The following SOX17 variants were observed in gnomAD, a reference collection of about 807,000 sequenced individuals.
The protein encoded by SOX17 is transcription factor SOX-17.
Under a neutral mutation model 16.0 loss-of-function variants are expected in SOX17, and 4 were observed. The ratio of observed to expected loss-of-function variants is 0.25; its 90% CI spans 0.12 to 0.57. The LOEUF is 0.57. Ranked by LOEUF, SOX17 falls within the 20% of genes least tolerant of loss-of-function variation. The pLI is 0.92. For missense variants in SOX17, 633 were observed against 609.7 expected (o/e 1.04, Z -0.40); for synonymous variants, 357 against 284.6 (o/e 1.25, Z -2.56).
intron 1 of SOX17, 32 bp from the exon 2 acceptor site, chr8:54,459,026 G>A: frequency 6.4e-7 from 1 of 1,552,418 alleles, no homozygotes; most frequent in Non-Finnish European, 8.7e-7. Context: ...GATAAGCCCT[G>A]CGCCCCTCTC....
intron 1 of SOX17, 140 bp from the exon 2 acceptor site, chr8:54,458,918 T>TC (rs1238923830): frequency 1.4e-6 from 1 of 719,952 alleles, no homozygotes; most frequent in Non-Finnish European, 2.2e-6. Flanking sequence ...GAGTCCCAGA[T>TC]CTCCCTCTTT....
chr8:54,458,556 G>A (rs1804675147), intron 1 of SOX17, 111 bp downstream of exon 1: 1 of 1,325,816 alleles, frequency 7.5e-7, no homozygotes, highest in Non-Finnish European at 1.0e-6. Flanking sequence ...AACCAGGGGT[G>A]TGTAGCGGCC....
rs200451706 is a variant in SOX17 at position 54,459,601 on chromosome 8, C to T, written c.851C>T (p.Pro284Leu). 5.8e-6 allele frequency: 9 copies of T among 1,540,920 alleles called. No individual in the cohort carries two copies. Among genetic ancestry groups the T allele is most frequent in the Non-Finnish European group, 7.8e-6 (9 of 1,149,240 alleles). ...CCAGAGCCCGCGGGTCCCTCGATTC[C>T]GGGCCTCCTGGCGCCACCCAGCGCC... is the stretch of plus-strand genomic sequence containing the variant. ...LGPEPAGPSI[P>L]GLLAPPSALH... Residue 284 changes from proline (P) to leucine (L), a missense_variant, in exon 2 of 2, where the codon CCG becomes CTG. Around this residue, in one of 5 missense-constraint regions of SOX17, gnomAD observed 479 missense variants for 397.2 expected, o/e 1.21. Transcript: ENST00000297316.
Position 54,459,595 on chromosome 8 carries a change from C to G in SOX17, c.845C>G (p.Ser282Trp), listed in dbSNP as rs1219111000. The change falls in exon 2 of 2, where the codon TCG becomes TGG. Residue 282 changes from serine (S) to tryptophan (W), a missense_variant. By Grantham distance (177) the Ser-to-Trp change is radical. Around this residue, in one of 5 missense-constraint regions of SOX17, gnomAD observed 479 missense variants for 397.2 expected, o/e 1.21. Transcript: ENST00000297316. ...CTCGGCCCAGAGCCCGCGGGTCCCT[C>G]GATTCCGGGCCTCCTGGCGCCACCC... ...PRLGPEPAGP[S>W]IPGLLAPPSA... 1.6e-5 allele frequency: 25 copies of G among 1,540,368 alleles called. No homozygotes were observed. Among genetic ancestry groups the G allele is most frequent in the Non-Finnish European group, 2.0e-5 (23 of 1,149,096 alleles).
In SOX17 at chr8:54,459,472, T is replaced by C. The variant is rs767767924; in HGVS notation, c.722T>C (p.Met241Thr). ...GACCCGGCTTTCTTCGCCGCCCCGA[T>C]GCCCGGGGACTGCCCGGCGGCCGGC... ...DPDPAFFAAPMPGDCPAAGTY... is the reference protein window; with the variant it reads ...DPDPAFFAAPTPGDCPAAGTY... Residue 241 changes from methionine (M) to threonine (T), a missense_variant, in exon 2 of 2, where the codon ATG becomes ACG. Coordinates refer to ENST00000297316, the MANE Select transcript of SOX17 (RefSeq NM_022454.4). The C allele has an allele frequency of 2.0e-6, 3 of 1,522,596 alleles. No homozygotes were observed. In the South Asian group the frequency reaches 3.6e-5, roughly 18 times the overall value. The allele number at this position is 1,522,596 out of a possible 1,614,324, so 94.3% of individuals were successfully genotyped here.
rs776395786 is a variant in SOX17 at position 54,458,255 on chromosome 8, C to T, written c.117C>T (p.Ile39=). Residue 39 remains isoleucine, a synonymous_variant, in exon 1 of 2, where the codon ATC becomes ATT. Transcript: ENST00000297316. ...PCPWAESLSP[I]GDMKVKGEAP... ...CCTGGGCCGAGTCGCTGAGCCCCATCGGGGACATGAAGGTGAAGGGCGAGG... is the reference window on the plus strand; with the variant it reads ...CCTGGGCCGAGTCGCTGAGCCCCATTGGGGACATGAAGGTGAAGGGCGAGG... 681 of 1,604,784 alleles carry T rather than the reference C, an allele frequency of 4.2e-4. No homozygotes were observed. The highest frequency in any genetic ancestry group is 5.5e-4 in the Non-Finnish European group (650 of 1,176,530).
At position 54,459,875 on chromosome 8, in the gene SOX17, G is replaced by A. The variant is rs2129278347; in HGVS notation, c.1125G>A (p.Met375Ile). 6.2e-7 allele frequency: 1 copy of A among 1,613,904 alleles called. No individual in the cohort carries two copies. Among genetic ancestry groups the A allele is most frequent in the East Asian group, 2.2e-5 (1 of 44,888 alleles). ...QYLHFVCKPE[M>I]GLPYQGHDSG... is the part of the protein sequence containing the mutation. ...TGCACTTCGTGTGCAAGCCTGAGAT[G>A]GGCCTCCCCTACCAGGGGCATGACT... Residue 375 changes from methionine (M) to isoleucine (I), a missense_variant, in exon 2 of 2, where the codon ATG (methionine) becomes ATA (isoleucine). Around this residue, in one of 5 missense-constraint regions of SOX17, gnomAD observed 479 missense variants for 397.2 expected, o/e 1.21. Coordinates refer to ENST00000297316, the MANE Select transcript of SOX17 (RefSeq NM_022454.4).
chr8:54,459,736 GC>G lies in SOX17; in HGVS notation c.990del (p.Gly331AspfsTer56). ...CACCAGCACCAGCACCACCCCCCGG[GC>G]CCCGGACAGCCGTCGCCCCCTCCGG... Reference protein sequence around the residue: ...HQHQHQHHPPGPGQPSPPPEA... With the variant: ...HQHQHQHHPPXPGQPSPPPEA... On this transcript the variant is annotated frameshift_variant, in exon 2 of 2. Coordinates refer to ENST00000297316, the MANE Select transcript of SOX17 (RefSeq NM_022454.4). LOFTEE classifies it high-confidence loss of function. 6.4e-7 allele frequency: 1 copy of G among 1,561,880 alleles called. No homozygotes were observed. The highest frequency in any genetic ancestry group is 8.6e-7 in the Non-Finnish European group (1 of 1,157,150).
chr8:54,459,716 G>A lies in SOX17; in HGVS notation c.966G>A (p.Gln322=), dbSNP rs964019267. 10 of 1,550,802 alleles carry A rather than the reference G, an allele frequency of 6.4e-6. No homozygotes were observed. The African/African-American group carries it at 9.5e-5, about 15-fold the overall frequency. The change falls in exon 2 of 2, where the codon CAG becomes CAA. Residue 322 remains glutamine, a synonymous_variant. Transcript: ENST00000297316. ...AGCCGCAACACCAGCACCAGCACCAGCACCAGCACCACCCCCCGGGCCCCG... is the reference window on the plus strand; with the variant it reads ...AGCCGCAACACCAGCACCAGCACCAACACCAGCACCACCCCCCGGGCCCCG... ...QMQPQHQHQH[Q]HQHHPPGPGQ... is the part of the protein sequence containing the mutation.
In SOX17 at chr8:54,458,122, G is replaced by A. The variant is rs1489214878; in HGVS notation, c.-17G>A. 3 of 1,516,648 alleles carry A rather than the reference G, an allele frequency of 2.0e-6. No individual in the cohort carries two copies. The highest frequency in any genetic ancestry group is 2.6e-6 in the Non-Finnish European group (3 of 1,139,724). 93.9% of individuals were successfully genotyped at this position (1,516,648 alleles called of 1,614,324 possible). A position where few individuals can be genotyped will look rare whatever the true frequency, so the allele number is the denominator to read the frequency against. On this transcript the variant is annotated 5_prime_UTR_variant, in exon 1 of 2. Transcript: ENST00000297316. ...TCCGGCGGAGGGTTGAGGGGAGCGG[G>A]GCAGGCCTGGAGCGCCATGAGCAGC...
Position 54,460,189 on chromosome 8 carries a change from A to G in SOX17, c.*194A>G. The stretch of plus-strand genomic sequence containing the variant: ...GTTTGGGGGGGTGAGGTTTCATTTA[A>G]AATTTGTTCAGAGATTTGTTTCCCA... On this transcript the variant is annotated 3_prime_UTR_variant, in exon 2 of 2. Coordinates refer to ENST00000297316, the MANE Select transcript of SOX17 (RefSeq NM_022454.4). 1.6e-6 allele frequency: 1 copy of G among 635,050 alleles called. No individual in the cohort carries two copies. Among genetic ancestry groups the G allele is most frequent in the Non-Finnish European group, 2.7e-6 (1 of 368,060 alleles). 39.3% of individuals were successfully genotyped at this position (635,050 alleles called of 1,614,324 possible).
In SOX17 at chr8:54,460,195, G is replaced by T. The variant is rs1179603771; in HGVS notation, c.*200G>T. 2 of 629,836 alleles carry T rather than the reference G, an allele frequency of 3.2e-6. No homozygotes were observed. The highest frequency in any genetic ancestry group is 2.8e-6 in the Non-Finnish European group (1 of 363,602). 39.0% of individuals were successfully genotyped at this position (629,836 alleles called of 1,614,324 possible). On this transcript the variant is annotated 3_prime_UTR_variant, in exon 2 of 2. Transcript: ENST00000297316. ...GGGGGTGAGGTTTCATTTAAAATTTGTTCAGAGATTTGTTTCCCATAGTTG... is the reference window on the plus strand; with the variant it reads ...GGGGGTGAGGTTTCATTTAAAATTTTTTCAGAGATTTGTTTCCCATAGTTG...
chr8:54,458,230 C>T lies in SOX17; in HGVS notation c.92C>T (p.Pro31Leu), dbSNP rs779696765. ...GTGATGGCCGGGCTGGGCCCCTGCC[C>T]CTGGGCCGAGTCGCTGAGCCCCATC... The part of the protein sequence containing the change: ...PAVMAGLGPC[P>L]WAESLSPIGD... The change falls in exon 1 of 2, where the codon CCC (proline) becomes CTC (leucine). Residue 31 changes from proline (P) to leucine (L), a missense_variant. Transcript: ENST00000297316. The T allele has an allele frequency of 5.0e-6, 8 of 1,597,762 alleles. No individual in the cohort carries two copies. The highest frequency in any genetic ancestry group is 3.4e-5 in the South Asian group (3 of 89,446).
chr8:54,459,338 T>C lies in SOX17; in HGVS notation c.588T>C (p.Pro196=). 6.5e-7 allele frequency: 1 copy of C among 1,547,976 alleles called. No homozygotes were observed. The highest frequency in any genetic ancestry group is 8.6e-7 in the Non-Finnish European group (1 of 1,158,018). ...TCCCCGCCGGCCCGCCGCTGCTGCC[T>C]CCGCACATGGGCGGCCACTACCGCG... ...QGFPAGPPLL[P]PHMGGHYRDC... Residue 196 remains proline, a synonymous_variant, in exon 2 of 2, where the codon CCT becomes CCC. Transcript: ENST00000297316.
chr8:54,458,773 G>T (rs889671028), intron 1 of SOX17, among the ~76,000 whole-genome samples: 2 of 152,168 alleles, frequency 1.3e-5, no homozygotes, highest in African/African-American at 4.8e-5. Context: ...TCCATCCCTC[G>T]ACCCCTTCCC....
chr8:54,459,660 G>GGGGC lies in SOX17; in HGVS notation c.917_920dup (p.Gly308ArgfsTer58). The stretch of plus-strand genomic sequence containing the variant: ...GTACTACGGCGCGATGGGCTCGCCC[G>GGGGC]GGGCGGGCGGCGGGCGCGGCTTCCA... On this transcript the variant is annotated frameshift_variant, in exon 2 of 2. Coordinates refer to ENST00000297316, the MANE Select transcript of SOX17 (RefSeq NM_022454.4). LOFTEE classifies it high-confidence loss of function. 6.5e-7 allele frequency: 1 copy of GGGGC among 1,536,540 alleles called. No individual in the cohort carries two copies. Among genetic ancestry groups the GGGGC allele is most frequent in the Non-Finnish European group, 8.7e-7 (1 of 1,145,930 alleles).
At chr8:54,458,942 T>C in intron 1 of SOX17, 116 bp from the exon 2 acceptor site, 1 of 867,916 alleles carries the variant, frequency 1.2e-6, no homozygotes, top group East Asian at 3.0e-5. Flanking sequence ...TTCACCCCGG[T>C]TGCGCAATTC....
chr8:54,459,175 G>A lies in SOX17; in HGVS notation c.425G>A (p.Arg142His), dbSNP rs2129278098. 1 of 1,603,534 alleles carries A rather than the reference G, an allele frequency of 6.2e-7. No homozygotes were observed. The highest frequency in any genetic ancestry group is 8.5e-7 in the Non-Finnish European group (1 of 1,176,222). Residue 142 changes from arginine to histidine, a missense_variant, in exon 2 of 2, where the codon CGC (arginine) becomes CAC (histidine). This residue lies in a region of SOX17 where 5 missense variants were observed against 16.8 expected (regional missense o/e 0.30). Transcript: ENST00000297316. Reference protein sequence around the residue: ...HPNYKYRPRRRKQVKRLKRVE... With the variant: ...HPNYKYRPRRHKQVKRLKRVE... ...AACTACAAGTACCGGCCGCGGCGGCGCAAGCAGGTGAAGCGGCTGAAGCGG... is the reference window on the plus strand; with the variant it reads ...AACTACAAGTACCGGCCGCGGCGGCACAAGCAGGTGAAGCGGCTGAAGCGG...
rs554998927 is a variant in SOX17, at chr8:54,460,592, C to G, written c.*597C>G. ...AAAGCATTCTGGAATGAGCCTACTTCAAGTAATCTTAGTTTCTAAAACTAA... is the reference window on the plus strand; with the variant it reads ...AAAGCATTCTGGAATGAGCCTACTTGAAGTAATCTTAGTTTCTAAAACTAA... On this transcript the variant is annotated 3_prime_UTR_variant, in exon 2 of 2. Transcript: ENST00000297316. 1 of 233,248 alleles carries G rather than the reference C, an allele frequency of 4.3e-6. No individual in the cohort carries two copies. The highest frequency in any genetic ancestry group is 8.5e-6 in the Non-Finnish European group (1 of 118,316). The allele number at this position is 233,248 out of a possible 1,614,324, so 14.4% of individuals were successfully genotyped here.
Sources: allele counts gnomAD v4.1 joint callset (sites outside exome capture counted in the v4.1 genomes callset), GRCh38; gene constraint gnomAD v4.1.1; regional missense constraint gnomAD v4.1.1; transcripts MANE v1.5; gene names NCBI Gene and HGNC (gene_info 2026-07-23, HGNC 2026-07-21).